RADIL: variants seen among roughly 807,000 people sequenced by gnomAD.
The protein encoded by RADIL is Rap associating with DIL domain, also known as ras-associating and dilute domain-containing protein.
In RADIL, 99 loss-of-function variants were observed where a neutral mutation model predicts 97.6. The observed-to-expected ratio is 1.01, with a 90% CI of 0.86 to 1.20. The LOEUF is 1.20. Among genes scored for constraint, RADIL ranks in the 50% most tolerant of loss-of-function variants. The probability of loss-of-function intolerance (pLI) is 0.00; values close to 1 mark genes in which losing one functional copy is unlikely to be tolerated. For missense variants in RADIL, 1,765 were observed against 1,498.9 expected (o/e 1.18, Z -2.93); for synonymous variants, 803 against 691.8 (o/e 1.16, Z -2.52).
Position 4,816,133 on chromosome 7 carries a change from A to G in RADIL, c.1966+95T>C, listed in dbSNP as rs2115187737. ...CAGGGAGCAGGAGGCCAAAAAGGGC[A>G]GAGCCGCCTCCAGGAGCTGGCGAGG... On this transcript the variant is annotated intron_variant, in intron 8 of 14. Transcript: ENST00000399583. The G allele has an allele frequency of 3.2e-6, 4 of 1,230,980 alleles. No homozygotes were observed. The East Asian group carries it at 9.4e-5, about 29-fold the overall frequency. The allele number at this position is 1,230,980 out of a possible 1,614,324, so 76.3% of individuals were successfully genotyped here.
chr7:4,865,381 C>T, intron 2 of RADIL: 11 of 592,124 alleles, frequency 1.9e-5, no homozygotes, highest in Non-Finnish European at 2.5e-5. Flanking sequence ...TGTTGTTGTT[C>T]CCAAGTTTTA....
chr7:4,801,599 G>A, intron 12 of RADIL, 54 bp downstream of exon 12: 1 of 1,517,032 alleles, frequency 6.6e-7, no homozygotes, highest in Non-Finnish European at 8.8e-7. Context: ...CGGCCATCAG[G>A]GTGCTGTGCG....
intron 2 of RADIL, among the ~76,000 whole-genome samples, chr7:4,844,079 C>T (rs181351568): frequency 2.0e-5 from 3 of 152,226 alleles, no homozygotes; most frequent in African/African-American, 7.2e-5. Flanking sequence ...GCTGTAACCA[C>T]TTCTCTTCAA....
Position 4,822,761 on chromosome 7 carries a change from C to T in RADIL, c.1455-207G>A, listed in dbSNP as rs978394660. Among the ~76,000 whole-genome samples the T allele has an allele frequency of 2.0e-5, 3 of 152,316 alleles. No individual in the cohort carries two copies. The highest frequency in any genetic ancestry group is 2.9e-5 in the Non-Finnish European group (2 of 68,040). ...AACACCCGACAGCCAGAGGACCCTA[C>T]AAACCTAGCAGGAAGACAGCTGGGC... On this transcript the variant is annotated intron_variant, in intron 5 of 14. Transcript: ENST00000399583. This position sits in a 1 kb window ranked among gnomAD's most constrained non-coding sequence, Gnocchi z 5.3.
chr7:4,804,356 T>A (rs983746555), intron 10 of RADIL, among the ~76,000 whole-genome samples: 1 of 152,218 alleles, frequency 6.6e-6, no homozygotes, highest in African/African-American at 2.4e-5. Flanking sequence ...AGAGATGTTC[T>A]CCACGGTGAC....
chr7:4,861,503 G>A (rs747039651), intron 2 of RADIL: 1 of 1,614,062 alleles, frequency 6.2e-7, no homozygotes, highest in Non-Finnish European at 8.5e-7. Flanking sequence ...TAATCTGTAA[G>A]AGCCAAACGT....
rs184662355 is a variant in RADIL at position 4,830,035 on chromosome 7, C to T, written c.1454+2106G>A. Among the ~76,000 whole-genome samples, 422 of 152,358 alleles carry T rather than the reference C, an allele frequency of 2.8e-3. 2 individuals carry two copies. The highest frequency in any genetic ancestry group is 9.8e-3 in the African/African-American group (408 of 41,580). ...CCCCCCAGACACACCCCCTCCCTCA[C>T]TGCCTAGCGTGGCCACCACCTTCCA... On this transcript the variant is annotated intron_variant, in intron 5 of 14. Transcript: ENST00000399583.
intron 2 of RADIL, chr7:4,860,823 C>T (rs1783970676): frequency 5.0e-6 from 8 of 1,614,064 alleles, no homozygotes; most frequent in Non-Finnish European, 6.8e-6. Flanking sequence ...GAAATAGACA[C>T]GTTGTATGTG....
chr7:4,861,844 C>T (rs1215912109), intron 2 of RADIL: 1 of 1,394,992 alleles, frequency 7.2e-7, no homozygotes, highest in South Asian at 1.7e-5. Flanking sequence ...GCACGTCCCC[C>T]ACCACCGCGA....
At chr7:4,805,471 C>T (rs1562427598) in intron 10 of RADIL, 95 bp downstream of exon 10, 5 of 1,422,890 alleles carry the variant, frequency 3.5e-6, no homozygotes, top group Non-Finnish European at 4.7e-6. Flanking sequence ...TCCCCCACAC[C>T]CCACTTCAGT....
Position 4,814,650 on chromosome 7 carries a change from G to A in RADIL, c.2139+628C>T, listed in dbSNP as rs77654063. 0.041 allele frequency among the ~76,000 whole-genome samples: 6,256 copies of A among 152,228 alleles called. 209 individuals are homozygous for A. Among genetic ancestry groups the A allele is most frequent in the African/African-American group, 0.089 (3,713 of 41,514 alleles). On this transcript the variant is annotated intron_variant, in intron 9 of 14. Coordinates refer to ENST00000399583, the MANE Select transcript of RADIL (RefSeq NM_018059.5). This position sits in a 1 kb window ranked among gnomAD's most constrained non-coding sequence, Gnocchi z 4.5. ...TGTGACAAATGCCCACACGCCTGGC[G>A]GTCACGGCCACACAGTGCACTCTCA...
At chr7:4,806,123 G>C in intron 9 of RADIL, 2 of 876,272 alleles carry the variant, frequency 2.3e-6, no homozygotes, top group Non-Finnish European at 2.7e-6. Flanking sequence ...TCATCATTTA[G>C]GTGACAGGAG....
At chr7:4,826,999 G>A (rs1270060563) in intron 5 of RADIL, among the ~76,000 whole-genome samples, 1 of 152,172 alleles carries the variant, frequency 6.6e-6, no homozygotes, top group East Asian at 1.9e-4. Context: ...AAAATCTGAT[G>A]AGGCGAGTAG....
intron 5 of RADIL, among the ~76,000 whole-genome samples, chr7:4,830,070 C>T (rs76504604): frequency 0.046 from 6,954 of 152,256 alleles, 285 homozygotes; most frequent in African/African-American, 0.11. Context: ...ACTCTGCCTT[C>T]GTCAGTGTTA....
chr7:4,826,117 G>A (rs1782968653), intron 5 of RADIL, among the ~76,000 whole-genome samples: 2 of 150,738 alleles, frequency 1.3e-5, no homozygotes, highest in African/African-American at 4.9e-5. Context: ...CTGAGGCAGG[G>A]GGATCACTTG....
intron 2 of RADIL, among the ~76,000 whole-genome samples, chr7:4,868,138 C>T (rs6966243): frequency 0.08 from 12,192 of 152,136 alleles, 786 homozygotes; most frequent in African/African-American, 0.17. Flanking sequence ...TCTCGGCTCA[C>T]TGCAAGCTCC....
At chr7:4,820,767 C>T (rs1225723072) in intron 6 of RADIL, among the ~76,000 whole-genome samples, 1 of 152,194 alleles carries the variant, frequency 6.6e-6, no homozygotes. Context: ...GCCCTCAGTC[C>T]AGCCTGGTCT....
At chr7:4,800,594 G>A (rs542757133) in intron 12 of RADIL, among the ~76,000 whole-genome samples, 34 of 152,200 alleles carry the variant, frequency 2.2e-4, no homozygotes, top group African/African-American at 7.7e-4. Flanking sequence ...TCCAGCTCCA[G>A]GGACCCACGC....
rs1311129906 is a variant in RADIL, at chr7:4,819,394, G to A, written c.1616-2043C>T. On this transcript the variant is annotated intron_variant, in intron 6 of 14. Transcript: ENST00000399583. This position sits in a 1 kb window ranked among gnomAD's most constrained non-coding sequence, Gnocchi z 5.8. ...ACTCCATTTCTAAACCCCCGGAGAC[G>A]CCTCTCCCTGTGGTACCAGGGCTGG... Among the ~76,000 whole-genome samples the A allele has an allele frequency of 3.3e-5, 5 of 152,026 alleles. No individual in the cohort carries two copies. The highest frequency in any genetic ancestry group is 4.8e-5 in the African/African-American group (2 of 41,396).
Sources: gnomAD v4.1 joint callset for allele counts (sites outside exome capture counted in the v4.1 genomes callset) on GRCh38, gnomAD v4.1.1 for gene constraint, Gnocchi (gnomAD v3.1) non-coding constraint, MANE v1.5 for transcripts, NCBI Gene and HGNC (gene_info 2026-07-23, HGNC 2026-07-21) for gene names.